UBE2H: variants seen among roughly 807,000 people sequenced by gnomAD.
The protein encoded by UBE2H is ubiquitin-conjugating enzyme E2 H.
A neutral mutation model predicts 29.0 loss-of-function variants in UBE2H; 3 were observed. The observed-to-expected ratio is 0.10, with a 90% CI of 0.05 to 0.27. The LOEUF is 0.27. Ranked by LOEUF, UBE2H falls within the 10% of genes least tolerant of loss-of-function variation. UBE2H has a pLI of 1.00. For missense variants in UBE2H, 68 were observed against 228.2 expected (o/e 0.30, Z 4.52); for synonymous variants, 69 against 82.9 (o/e 0.83, Z 0.91).
chr7:129,864,386 A>G (rs1374259855), intron 3 of UBE2H, among the ~76,000 whole-genome samples: 1 of 152,116 alleles, frequency 6.6e-6, no homozygotes, highest in Non-Finnish European at 1.5e-5. Context: ...CAACAAGGGA[A>G]TTTTCCCAAC....
At chr7:129,844,112 C>T (rs1335666290) in intron 5 of UBE2H, among the ~76,000 whole-genome samples, 1 of 152,172 alleles carries the variant, frequency 6.6e-6, no homozygotes, top group South Asian at 2.1e-4. Context: ...CTGTATCTAC[C>T]GTCTTCCTGC....
chr7:129,883,021 C>T (rs1016355256), intron 1 of UBE2H, among the ~76,000 whole-genome samples: 9 of 151,924 alleles, frequency 5.9e-5, no homozygotes, highest in African/African-American at 2.2e-4. Context: ...AAAGAAAAAG[C>T]CAGAACATCC....
chr7:129,942,687 TAAAGA>T (rs1176751537), intron 1 of UBE2H, among the ~76,000 whole-genome samples: 3 of 152,164 alleles, frequency 2.0e-5, no homozygotes, highest in Non-Finnish European at 4.4e-5. Context: ...CTAGAAATGC[TAAAGA>T]AATGTTAAAA....
At position 129,952,691 on chromosome 7, in the gene UBE2H, C is replaced by T. The variant is rs370585960; in HGVS notation, c.-136G>A. On this transcript the variant is annotated 5_prime_UTR_variant, in exon 1 of 7. Transcript: ENST00000355621. ...CCGCGGTCCCGGCGGTCCCGTCAGCCGCCGCCGCCGCCCCCCGCACGGGGG... is the reference window on the plus strand; with the variant it reads ...CCGCGGTCCCGGCGGTCCCGTCAGCTGCCGCCGCCGCCCCCCGCACGGGGG... The T allele has an allele frequency of 5.4e-4, 490 of 912,282 alleles. 10 individuals are homozygous for T. The East Asian group carries it at 0.011, about 21-fold the overall frequency. The allele number at this position is 912,282 out of a possible 1,614,324, so 56.5% of individuals were successfully genotyped here. A position where few individuals can be genotyped will look rare whatever the true frequency, so the allele number is the denominator to read the frequency against.
In UBE2H at chr7:129,834,198, G is replaced by T. The variant is rs932308245; in HGVS notation, c.*739C>A. 1 of 152,054 alleles carries T rather than the reference G, an allele frequency of 6.6e-6. No homozygotes were observed. The highest frequency in any genetic ancestry group is 1.5e-5 in the Non-Finnish European group (1 of 68,036). The allele number at this position is 152,054 out of a possible 1,614,324, so 9.4% of individuals were successfully genotyped here. ...TGCTGTCCTTTCAAAAACAGGTCTG[G>T]ATTTCACGCTCTACCCCAAGAAAAA... On this transcript the variant is annotated 3_prime_UTR_variant, in exon 7 of 7. Coordinates refer to ENST00000355621, the MANE Select transcript of UBE2H (RefSeq NM_003344.4).
At chr7:129,899,650 A>G (rs1023858354) in intron 1 of UBE2H, among the ~76,000 whole-genome samples, 3 of 152,226 alleles carry the variant, frequency 2.0e-5, no homozygotes, top group African/African-American at 7.2e-5. Flanking sequence ...CAACTATCTC[A>G]AAGAGAAGGC....
At chr7:129,835,295 C>T (rs1805301733) in intron 6 of UBE2H, among the ~76,000 whole-genome samples, 1 of 152,196 alleles carries the variant, frequency 6.6e-6, no homozygotes, top group Non-Finnish European at 1.5e-5. Flanking sequence ...AAGAGCAACA[C>T]AGCAGGCTCA....
chr7:129,891,164 T>C (rs1806477911), intron 1 of UBE2H, among the ~76,000 whole-genome samples: 1 of 151,710 alleles, frequency 6.6e-6, no homozygotes, highest in South Asian at 2.1e-4. Flanking sequence ...TATAAATCAA[T>C]TAAATCTGAG....
At chr7:129,918,040 T>C (rs1401092030) in intron 1 of UBE2H, among the ~76,000 whole-genome samples, 2 of 152,204 alleles carry the variant, frequency 1.3e-5, no homozygotes, top group African/African-American at 2.4e-5. Context: ...CACGACTCTC[T>C]GTAATTTGCT....
chr7:129,883,333 C>G (rs1806291826), intron 1 of UBE2H, among the ~76,000 whole-genome samples: 1 of 152,154 alleles, frequency 6.6e-6, no homozygotes, highest in African/African-American at 2.4e-5. Context: ...GTTGGCAGTA[C>G]TAAACCTGCA....
At chr7:129,845,900 ACT>A (rs1563020171) in intron 5 of UBE2H, among the ~76,000 whole-genome samples, 1 of 152,226 alleles carries the variant, frequency 6.6e-6, no homozygotes, top group African/African-American at 2.4e-5. Flanking sequence ...ACTAAAAGTG[ACT>A]ATAAGATATA....
At chr7:129,922,784 T>C (rs925963081) in intron 1 of UBE2H, among the ~76,000 whole-genome samples, 12 of 152,312 alleles carry the variant, frequency 7.9e-5, no homozygotes, top group Admixed American at 6.5e-4. Flanking sequence ...ATGGGGATCT[T>C]GCTATATTGC....
chr7:129,889,391 C>T (rs1806428413), intron 1 of UBE2H, among the ~76,000 whole-genome samples: 1 of 152,222 alleles, frequency 6.6e-6, no homozygotes, highest in South Asian at 2.1e-4. Flanking sequence ...TAGAAAGCTC[C>T]AACGTTGCTA....
chr7:129,895,025 CTTTTTGGAAAACTT>C (rs1245551310), intron 1 of UBE2H, among the ~76,000 whole-genome samples: 1 of 152,158 alleles, frequency 6.6e-6, no homozygotes, highest in Non-Finnish European at 1.5e-5. Context: ...GTTTTAAAAA[CTTTTTGGAAAACTT>C]TTAGAAGGTA....
chr7:129,937,754 G>A (rs1020718912), intron 1 of UBE2H, among the ~76,000 whole-genome samples: 1 of 151,964 alleles, frequency 6.6e-6, no homozygotes, highest in Admixed American at 6.6e-5. Flanking sequence ...TCAAAAGAAA[G>A]GTATTTTAAA....
chr7:129,929,953 C>G (rs1219338133), intron 1 of UBE2H, among the ~76,000 whole-genome samples: 2 of 151,900 alleles, frequency 1.3e-5, no homozygotes, highest in Admixed American at 1.3e-4. Flanking sequence ...GAGGTTACAG[C>G]GAGCCAAGAT....
intron 5 of UBE2H, among the ~76,000 whole-genome samples, chr7:129,840,666 C>T (rs1383557170): frequency 6.6e-6 from 1 of 152,196 alleles, no homozygotes; most frequent in Non-Finnish European, 1.5e-5. Context: ...TGCAGCACCC[C>T]TGAGAAATGG....
At position 129,841,948 on chromosome 7, in the gene UBE2H, T is replaced by G. The variant is rs1430510517; in HGVS notation, c.299-2613A>C. 2.6e-5 allele frequency among the ~76,000 whole-genome samples: 4 copies of G among 152,348 alleles called. No homozygotes were observed. The East Asian group carries it at 5.8e-4, about 22-fold the overall frequency. On this transcript the variant is annotated intron_variant, in intron 5 of 6. Transcript: ENST00000355621. ...AACAATTATTATGGTACAAAACCAT[T>G]GAAAACTATTTGTTTTCAATGAAAA...
intron 3 of UBE2H, among the ~76,000 whole-genome samples, chr7:129,867,725 A>AAAAAAAAAAAAAAAAAAAAAAAC (rs1805940520): frequency 2.2e-4 from 10 of 45,202 alleles, no homozygotes; most frequent in Non-Finnish European, 3.3e-4. Context: ...AAAGAAAACC[A>AAAAAAAAAAAAAAAAAAAAAAAC]AAAAAAAAAA....
Sources: allele counts gnomAD v4.1 joint callset (sites outside exome capture counted in the v4.1 genomes callset), GRCh38; gene constraint gnomAD v4.1.1; transcripts MANE v1.5; gene names NCBI Gene and HGNC (gene_info 2026-07-23, HGNC 2026-07-21).